FER: variants seen among roughly 807,000 people sequenced by gnomAD.
FER encodes the protein FER tyrosine kinase.
FER carries 63 observed loss-of-function variants against 111.0 expected under a neutral mutation model. The observed-to-expected ratio is 0.57, with a 90% CI of 0.46 to 0.70. FER has a LOEUF of 0.70. Among genes scored for constraint, FER ranks in the 30% least tolerant of loss-of-function variants. The pLI is 0.00. For synonymous variants in FER, 327 were observed against 313.9 expected (o/e 1.04, Z -0.44); for missense variants, 914 against 954.0 (o/e 0.96, Z 0.55).
intron 5 of FER, among the ~76,000 whole-genome samples, chr5:108,836,539 T>G (rs1272494560): frequency 1.3e-5 from 2 of 152,154 alleles, no homozygotes; most frequent in East Asian, 3.8e-4. Context: ...TCTTTTTGTT[T>G]TGTTAATTTT....
rs74710650 is a variant in FER at position 108,810,558 on chromosome 5, C to T, written c.207+12169C>T. On this transcript the variant is annotated intron_variant, in intron 3 of 19. Transcript: ENST00000281092. ...CCTCCTCAGCCCCAAGTTCTTTGCC[C>T]GGGGAGGGAGAGTTGGCCAAACTCC... 6.3e-3 allele frequency among the ~76,000 whole-genome samples: 963 copies of T among 152,254 alleles called. 16 individuals carry two copies. Among genetic ancestry groups the T allele is most frequent in the African/African-American group, 0.022 (901 of 41,540 alleles).
At chr5:108,807,969 G>T (rs1209693032) in intron 3 of FER, among the ~76,000 whole-genome samples, 1 of 149,986 alleles carries the variant, frequency 6.7e-6, no homozygotes, top group Admixed American at 6.6e-5. Context: ...TTTCACTGTG[G>T]CCCAAGAGTG....
chr5:108,799,001 C>G (rs1012936050), intron 3 of FER, among the ~76,000 whole-genome samples: 4 of 152,088 alleles, frequency 2.6e-5, no homozygotes, highest in South Asian at 2.1e-4. Flanking sequence ...CTATTTTTCC[C>G]TTTTGCACAA....
intron 5 of FER, among the ~76,000 whole-genome samples, chr5:108,839,661 T>C (rs1353425758): frequency 7.1e-6 from 1 of 140,970 alleles, no homozygotes; most frequent in South Asian, 2.4e-4. Context: ...CACTGCAAGC[T>C]CCGCCTCCCA....
chr5:109,103,018 A>T (rs1368999055), intron 17 of FER, among the ~76,000 whole-genome samples: 1 of 152,130 alleles, frequency 6.6e-6, no homozygotes, highest in Non-Finnish European at 1.5e-5. Context: ...AAAGAAAAAA[A>T]ATATAGGATT....
At chr5:109,171,528 A>G (rs1582375241) in intron 17 of FER, among the ~76,000 whole-genome samples, 1 of 152,194 alleles carries the variant, frequency 6.6e-6, no homozygotes, top group Admixed American at 6.5e-5. Flanking sequence ...TCAATAAATG[A>G]CAGCCATTAT....
intron 13 of FER, among the ~76,000 whole-genome samples, chr5:109,004,012 C>T (rs938757041): frequency 4.6e-5 from 7 of 151,888 alleles, no homozygotes; most frequent in Admixed American, 2.0e-4. Context: ...ACCAATTGTA[C>T]AATCTTTTTT....
intron 5 of FER, among the ~76,000 whole-genome samples, chr5:108,837,902 A>G (rs1760832587): frequency 6.6e-6 from 1 of 152,128 alleles, no homozygotes; most frequent in Non-Finnish European, 1.5e-5. Flanking sequence ...AAAATTATAC[A>G]AGCTTAGTTG....
intron 5 of FER, among the ~76,000 whole-genome samples, chr5:108,851,025 T>A (rs1762494462): frequency 6.6e-6 from 1 of 152,210 alleles, no homozygotes; most frequent in African/African-American, 2.4e-5. Flanking sequence ...GTGGAGTTTA[T>A]CATCCTTCCT....
intron 11 of FER, 24 bp from the exon 12 acceptor site, chr5:108,954,705 T>G (rs1224543457): frequency 4.8e-6 from 7 of 1,460,184 alleles, no homozygotes; most frequent in Non-Finnish European, 6.4e-6. Context: ...TAATTTAGTT[T>G]TTTTTTTTTA....
chr5:108,783,269 T>G lies in FER; in HGVS notation c.-59-14855T>G, dbSNP rs368638856. ...TTGAGCCTATCTAGCTTGTCTTTTG[T>G]TATTGCATTTCTTAGTTACATAATT... On this transcript the variant is annotated intron_variant, in intron 2 of 19. Transcript: ENST00000281092. 2.6e-4 allele frequency among the ~76,000 whole-genome samples: 40 copies of G among 152,370 alleles called. No individual in the cohort carries two copies. The South Asian group carries it at 8.3e-3, about 32-fold the overall frequency.
chr5:109,033,288 A>G (rs568454099), intron 13 of FER, among the ~76,000 whole-genome samples: 1 of 152,274 alleles, frequency 6.6e-6, no homozygotes, highest in South Asian at 2.1e-4. Context: ...AACAGAGCAA[A>G]GATAGAGACC....
intron 11 of FER, among the ~76,000 whole-genome samples, chr5:108,948,718 G>T (rs1261344744): frequency 6.6e-6 from 1 of 151,996 alleles, no homozygotes; most frequent in Non-Finnish European, 1.5e-5. Context: ...TTTTTCTAGG[G>T]CCATCTATCT....
rs538644181 is a variant in FER at position 108,917,456 on chromosome 5, T to A, written c.1236+19608T>A. Among the ~76,000 whole-genome samples the A allele has an allele frequency of 6.8e-3, 1,039 of 152,272 alleles. 7 individuals are homozygous for A. The highest frequency in any genetic ancestry group is 0.024 in the African/African-American group (1,012 of 41,556). On this transcript the variant is annotated intron_variant, in intron 10 of 19. Coordinates refer to ENST00000281092, the MANE Select transcript of FER (RefSeq NM_005246.4). Reference sequence around the variant, plus strand: ...TCCACAGGAATATGAAAGTCTAATTTAACTTTTTTTCAGATAAGTCAGTTT... The same window carrying A: ...TCCACAGGAATATGAAAGTCTAATTAAACTTTTTTTCAGATAAGTCAGTTT...
chr5:108,992,530 G>A (rs1203905239), intron 13 of FER, among the ~76,000 whole-genome samples: 27 of 149,094 alleles, frequency 1.8e-4, no homozygotes, highest in African/African-American at 4.7e-4. Flanking sequence ...CCTCCCGGAC[G>A]GGGCAGCTGG....
chr5:109,109,652 G>A (rs1444652787), intron 17 of FER, among the ~76,000 whole-genome samples: 1 of 152,108 alleles, frequency 6.6e-6, no homozygotes, highest in Non-Finnish European at 1.5e-5. Flanking sequence ...ATCTCAGGGG[G>A]ACCACAACTT....
intron 13 of FER, among the ~76,000 whole-genome samples, chr5:109,029,754 C>G (rs1338342735): frequency 2.6e-5 from 4 of 152,108 alleles, no homozygotes; most frequent in East Asian, 3.8e-4. Context: ...GCTTTCAAGA[C>G]TCCTTGTCTT....
chr5:108,927,250 C>CTT (rs773963733), intron 10 of FER, among the ~76,000 whole-genome samples: 6 of 95,372 alleles, frequency 6.3e-5, no homozygotes, highest in African/African-American at 1.5e-4. Flanking sequence ...TGAGAAGTGG[C>CTT]TCTTTTTTTT....
chr5:108,934,750 G>A (rs1755215574), intron 10 of FER, among the ~76,000 whole-genome samples: 1 of 152,108 alleles, frequency 6.6e-6, no homozygotes, highest in African/African-American at 2.4e-5. Flanking sequence ...AAATGTTGCT[G>A]TACAGTTTCC....
Sources: allele counts gnomAD v4.1 joint callset (sites outside exome capture counted in the v4.1 genomes callset), GRCh38; gene constraint gnomAD v4.1.1; transcripts MANE v1.5; gene names NCBI Gene and HGNC (gene_info 2026-07-23, HGNC 2026-07-21).